Variants in ARHGEF28 observed in about 807,000 individuals in gnomAD.
ARHGEF28 encodes Rho guanine nucleotide exchange factor 28, also known as 190 kDa guanine nucleotide exchange factor.
Under a neutral mutation model 206.6 loss-of-function variants are expected in ARHGEF28, and 152 were observed. That is an observed-to-expected ratio of 0.74 (90% CI 0.64 to 0.84). The LOEUF is 0.84. Ranked by LOEUF, ARHGEF28 falls within the 40% of genes least tolerant of loss-of-function variation. The pLI, the probability that ARHGEF28 is intolerant of heterozygous loss-of-function variation, is 0.00. For missense variants in ARHGEF28, 2,028 were observed against 2,073.2 expected, an observed-to-expected ratio of 0.98 and a Z score of 0.42; for synonymous variants, 763 against 776.4, an observed-to-expected ratio of 0.98 and a Z score of 0.29.
At chr5:73,821,318 G>GA (rs1305112883) in intron 9 of ARHGEF28, among the ~76,000 whole-genome samples, 2 of 151,946 alleles carry the variant, frequency 1.3e-5, no homozygotes, top group African/African-American at 4.8e-5. Flanking sequence ...AAAAATAAGG[G>GA]AAAAAACATA....
In ARHGEF28 at chr5:73,925,971, T is replaced by C. The variant is rs147435783; in HGVS notation, c.4948+14396T>C. Reference sequence around the variant, plus strand: ...TCTCTTGGATTAATACTTAGGAGAATTGCTGCTAGGATAGGTGTCTGTTTA... The same window carrying C: ...TCTCTTGGATTAATACTTAGGAGAACTGCTGCTAGGATAGGTGTCTGTTTA... On this transcript the variant is annotated intron_variant, in intron 35 of 35. Coordinates refer to ENST00000513042, the MANE Select transcript of ARHGEF28 (RefSeq NM_001177693.2). Among the ~76,000 whole-genome samples the C allele has an allele frequency of 5.5e-3, 836 of 152,290 alleles. 8 individuals are homozygous for C. The highest frequency in any genetic ancestry group is 0.017 in the Middle Eastern group (5 of 294).
chr5:73,765,094 G>A, intron 4 of ARHGEF28, among the ~76,000 whole-genome samples: 1 of 152,012 alleles, frequency 6.6e-6, no homozygotes, highest in East Asian at 1.9e-4. Context: ...AATTTAACAT[G>A]CAGATTTGTT....
chr5:73,627,435 T>G (rs1743077796), intron 1 of ARHGEF28: 1 of 152,190 alleles, frequency 6.6e-6, no homozygotes, highest in African/African-American at 2.4e-5. Context: ...CAAAAACAAA[T>G]CAAGGACCTA....
intron 9 of ARHGEF28, among the ~76,000 whole-genome samples, chr5:73,808,127 G>A (rs1755623017): frequency 6.6e-6 from 1 of 152,058 alleles, no homozygotes; most frequent in Admixed American, 6.6e-5. Flanking sequence ...AAGCAAGATG[G>A]TATTATGGAC....
At chr5:73,874,851 G>C (rs181774206) in intron 22 of ARHGEF28, among the ~76,000 whole-genome samples, 83,800 of 141,720 alleles carry the variant, frequency 0.59, 25,369 homozygotes, top group African/African-American at 0.7. Context: ...CAAGTCTTTG[G>C]TATTGTGAAT....
rs374772422 is a variant in ARHGEF28, at chr5:73,833,765, C to T, written c.1146+1306C>T. 2.8e-3 allele frequency among the ~76,000 whole-genome samples: 427 copies of T among 152,156 alleles called. 6 individuals are homozygous for T. The highest frequency in any genetic ancestry group is 0.014 in the Middle Eastern group (4 of 294). Reference sequence around the variant, plus strand: ...GGCCTCAGGAAACTTAAAATAATGGCGGAAGATACCTCTTCACAGGGCAGC... The same window carrying T: ...GGCCTCAGGAAACTTAAAATAATGGTGGAAGATACCTCTTCACAGGGCAGC... On this transcript the variant is annotated intron_variant, in intron 10 of 35. Transcript: ENST00000513042.
intron 4 of ARHGEF28, 78 bp downstream of exon 4, chr5:73,753,280 C>A: frequency 1.4e-6 from 2 of 1,408,276 alleles, no homozygotes; most frequent in Non-Finnish European, 1.9e-6. Context: ...ACTGTGTGTT[C>A]CCCTCGGCAG....
At chr5:73,854,185 A>G (rs1174940856) in intron 14 of ARHGEF28, among the ~76,000 whole-genome samples, 1 of 152,104 alleles carries the variant, frequency 6.6e-6, no homozygotes, top group South Asian at 2.1e-4. Flanking sequence ...GGATATGCCA[A>G]TAAGATCCCA....
intron 35 of ARHGEF28, among the ~76,000 whole-genome samples, chr5:73,913,946 A>G (rs1763062252): frequency 1.3e-5 from 2 of 152,328 alleles, no homozygotes; most frequent in African/African-American, 2.4e-5. Flanking sequence ...CTGTGGATAG[A>G]TGATCAGCTC....
chr5:73,698,394 T>C (rs188978657), intron 2 of ARHGEF28, among the ~76,000 whole-genome samples: 1 of 152,328 alleles, frequency 6.6e-6, no homozygotes, highest in African/African-American at 2.4e-5. Context: ...TATTGTTGCT[T>C]TCCTCTGATG....
At chr5:73,874,410 AT>A (rs1163799022) in intron 22 of ARHGEF28, among the ~76,000 whole-genome samples, 2 of 151,462 alleles carry the variant, frequency 1.3e-5, no homozygotes, top group South Asian at 4.2e-4. Flanking sequence ...ATTTATTTTT[AT>A]TTTTTTGTTA....
chr5:73,696,519 ATTG>A (rs901386553), intron 2 of ARHGEF28, among the ~76,000 whole-genome samples: 11 of 152,286 alleles, frequency 7.2e-5, no homozygotes, highest in Non-Finnish European at 1.0e-4. Context: ...TTGAGAGAGT[ATTG>A]TTGTTATTGT....
chr5:73,750,578 T>C (rs1751971242), intron 3 of ARHGEF28, among the ~76,000 whole-genome samples: 1 of 152,128 alleles, frequency 6.6e-6, no homozygotes, highest in African/African-American at 2.4e-5. Context: ...TGTTGTCTTC[T>C]TGATAGATGA....
chr5:73,823,032 A>G (rs996370131), intron 9 of ARHGEF28, among the ~76,000 whole-genome samples: 3 of 152,202 alleles, frequency 2.0e-5, no homozygotes, highest in African/African-American at 7.2e-5. Flanking sequence ...AACTTGGTGA[A>G]GGTCCCTTTG....
intron 1 of ARHGEF28, among the ~76,000 whole-genome samples, chr5:73,683,278 C>G (rs989651163): frequency 3.3e-5 from 5 of 152,206 alleles, no homozygotes; most frequent in Middle Eastern, 3.4e-3. Flanking sequence ...GCTGTGAGAC[C>G]ATTACCGTTG....
chr5:73,698,686 T>C (rs1411479377), intron 2 of ARHGEF28, among the ~76,000 whole-genome samples: 2 of 152,018 alleles, frequency 1.3e-5, no homozygotes, highest in East Asian at 3.9e-4. Flanking sequence ...AAAGTGATTA[T>C]GTGTGATAAT....
At chr5:73,817,666 T>C (rs1756307284) in intron 9 of ARHGEF28, among the ~76,000 whole-genome samples, 1 of 152,222 alleles carries the variant, frequency 6.6e-6, no homozygotes, top group Admixed American at 6.5e-5. Context: ...GATTGTCATC[T>C]TCATTTATTA....
At chr5:73,917,851 T>TA (rs1379983607) in intron 35 of ARHGEF28, among the ~76,000 whole-genome samples, 1 of 152,234 alleles carries the variant, frequency 6.6e-6, no homozygotes, top group Admixed American at 6.5e-5. Context: ...GTCTATGGGC[T>TA]ACATGTTTGA....
intron 2 of ARHGEF28, among the ~76,000 whole-genome samples, chr5:73,723,039 T>G (rs1561357801): frequency 1.3e-5 from 2 of 152,242 alleles, no homozygotes; most frequent in Admixed American, 1.3e-4. Context: ...TATTCTAATT[T>G]AATAAAGTTT....
Sources: allele counts gnomAD v4.1 joint callset (sites outside exome capture counted in the v4.1 genomes callset), GRCh38; gene constraint gnomAD v4.1.1; transcripts MANE v1.5; gene names NCBI Gene and HGNC (gene_info 2026-07-23, HGNC 2026-07-21).